The following DLEC1 variants were observed in gnomAD, a reference collection of about 807,000 sequenced individuals.
DLEC1 encodes deleted in lung and esophageal cancer protein 1.
In DLEC1, 146 loss-of-function variants were observed where a neutral mutation model predicts 198.1. The observed-to-expected ratio is 0.74, with a 90% confidence interval of 0.64 to 0.85. The LOEUF is 0.85. DLEC1 is among the 40% of genes least tolerant of loss of function. DLEC1 has a pLI of 0.00. For synonymous variants in DLEC1, 897 were observed against 866.8 expected, an observed-to-expected ratio of 1.03 and a Z score of -0.61; for missense variants, 2,233 against 2,220.0, an observed-to-expected ratio of 1.01 and a Z score of -0.12.
At chr3:38,081,296 T>C (rs1371287173) in intron 6 of DLEC1, among the ~76,000 whole-genome samples, 2 of 140,902 alleles carry the variant, frequency 1.4e-5, no homozygotes, top group Non-Finnish European at 3.1e-5. Flanking sequence ...AAAGCAGCCA[T>C]TGTCATCCTG....
intron 27 of DLEC1, among the ~76,000 whole-genome samples, chr3:38,116,020 G>T (rs1223176992): frequency 6.6e-6 from 1 of 152,156 alleles, no homozygotes; most frequent in African/African-American, 2.4e-5. Flanking sequence ...GCAAGACAGA[G>T]GTGGACATGG....
chr3:38,122,463 C>T lies in DLEC1; in HGVS notation c.*51C>T, dbSNP rs1559471944. The stretch of plus-strand genomic sequence containing the variant: ...GGCCCCAGCTGGAGAAAAAACATTG[C>T]CCAGGGATTAGGAGCAGCTCTTCAG... On this transcript the variant is annotated 3_prime_UTR_variant, in exon 37 of 37. Transcript: ENST00000308059. The T allele has an allele frequency of 6.2e-7, 1 of 1,613,896 alleles. No homozygotes were observed. The highest frequency in any genetic ancestry group is 1.1e-5 in the South Asian group (1 of 90,928).
In DLEC1 at chr3:38,112,197, G is replaced by C. The variant is rs373960006; in HGVS notation, c.3515-13G>C. 1 of 1,613,908 alleles carries C rather than the reference G, an allele frequency of 6.2e-7. No individual in the cohort carries two copies. The highest frequency in any genetic ancestry group is 8.5e-7 in the Non-Finnish European group (1 of 1,179,956). On this transcript the variant is annotated splice_polypyrimidine_tract_variant and intron_variant, in intron 24 of 36. Coordinates refer to ENST00000308059, the MANE Select transcript of DLEC1 (RefSeq NM_007335.4). The surrounding 1 kb of genome is among the most constrained non-coding windows in gnomAD (Gnocchi z 4.8). ...AGGCCCGTGAATCCCCCACAGTCGC[G>C]GTTCTTTCCCAGATTTTATGGAGAG...
At chr3:38,088,758 G>A (rs555187169) in intron 10 of DLEC1, among the ~76,000 whole-genome samples, 2 of 151,928 alleles carry the variant, frequency 1.3e-5, no homozygotes, top group Non-Finnish European at 2.9e-5. Flanking sequence ...TGATTATTGC[G>A]GTTATTGTGG....
chr3:38,122,379 T>G lies in DLEC1; in HGVS notation c.5235T>G (p.Tyr1745Ter). The stretch of plus-strand genomic sequence containing the variant: ...TGCGGCTCCGGGGCCAAGGCTCCTA[T>G]GATGAGAGATACATGTTGCCTCACC... ...CTLRLRGQGSYDERYMLPHQP is the reference protein window; with the variant it reads ...CTLRLRGQGS Residue 1745 changes from tyrosine (Y) to a stop codon, truncating the protein, a stop_gained, in exon 37 of 37, where the codon TAT becomes TAG. Transcript: ENST00000308059. LOFTEE classifies it high-confidence loss of function. 6.2e-7 allele frequency: 1 copy of G among 1,614,104 alleles called. No individual in the cohort carries two copies. Among genetic ancestry groups the G allele is most frequent in the Non-Finnish European group, 8.5e-7 (1 of 1,180,016 alleles).
chr3:38,089,186 T>C (rs1200759736), intron 10 of DLEC1, among the ~76,000 whole-genome samples: 2 of 152,184 alleles, frequency 1.3e-5, no homozygotes, highest in Admixed American at 6.5e-5. Context: ...GGTAGTGAGA[T>C]CCAGCAGCCC....
intron 6 of DLEC1, among the ~76,000 whole-genome samples, chr3:38,067,898 A>G (rs1697113674): frequency 6.6e-6 from 1 of 151,778 alleles, no homozygotes; most frequent in Admixed American, 6.6e-5. Flanking sequence ...GATTACAGGT[A>G]CGCACCACCA....
chr3:38,118,152 C>G lies in DLEC1; in HGVS notation c.4704+128C>G, dbSNP rs978253750. ...ACTGCATGCCTGACCCTGCCATACC[C>G]TGCATGAACACTCGGGGGTGCACTC... On this transcript the variant is annotated intron_variant, in intron 33 of 36. Coordinates refer to ENST00000308059, the MANE Select transcript of DLEC1 (RefSeq NM_007335.4). The G allele has an allele frequency of 3.9e-6, 4 of 1,032,948 alleles. No individual in the cohort carries two copies. In the African/African-American group the frequency reaches 6.4e-5, roughly 17 times the overall value. 64.0% of individuals were successfully genotyped at this position (1,032,948 alleles called of 1,614,324 possible).
Position 38,114,375 on chromosome 3 carries a change from C to T in DLEC1, c.3700C>T (p.His1234Tyr). 6.2e-7 allele frequency: 1 copy of T among 1,614,196 alleles called. No individual in the cohort carries two copies. Among genetic ancestry groups the T allele is most frequent in the South Asian group, 1.1e-5 (1 of 91,086 alleles). Reference protein sequence around the residue: ...GDLLPEVIPVHMAAVGCPISS... With the variant: ...GDLLPEVIPVYMAAVGCPISS... ...CCTGCTGCCGGAAGTCATCCCAGTG[C>T]ACATGGCAGCGGTGGGCTGCCCCAT... Residue 1234 changes from histidine to tyrosine, a missense_variant, in exon 26 of 37, where the codon CAC becomes TAC. By Grantham distance (83) the His-to-Tyr change is moderately conservative. Coordinates refer to ENST00000308059, the MANE Select transcript of DLEC1 (RefSeq NM_007335.4).
chr3:38,097,939 C>CG (rs1453793447), intron 18 of DLEC1, 37 bp downstream of exon 18: 1 of 1,612,766 alleles, frequency 6.2e-7, no homozygotes, highest in East Asian at 2.2e-5. Context: ...GGTGCCCCCA[C>CG]AATGAGCCCG....
chr3:38,090,587 T>C (rs1698692627), intron 10 of DLEC1, among the ~76,000 whole-genome samples: 2 of 152,232 alleles, frequency 1.3e-5, no homozygotes, highest in African/African-American at 4.8e-5. Flanking sequence ...AAATTATACA[T>C]ACATCACTCT....
intron 6 of DLEC1, among the ~76,000 whole-genome samples, chr3:38,083,924 C>G (rs1046995037): frequency 1.1e-4 from 16 of 152,102 alleles, no homozygotes; most frequent in African/African-American, 3.9e-4. Context: ...GCCACCACAC[C>G]TGGCCTGTAT....
intron 6 of DLEC1, among the ~76,000 whole-genome samples, chr3:38,081,476 G>A (rs1442909679): frequency 6.6e-5 from 6 of 91,534 alleles, no homozygotes; most frequent in South Asian, 3.3e-4. Flanking sequence ...CGGACGGGGC[G>A]GCTGGCCGGG....
chr3:38,110,338 G>C (rs1699800334), intron 23 of DLEC1, 57 bp downstream of exon 23: 18 of 1,596,586 alleles, frequency 1.1e-5, no homozygotes, highest in Non-Finnish European at 1.4e-5. Flanking sequence ...GGTGTACCCT[G>C]TTGAGCCTCT....
At chr3:38,075,717 G>A (rs913811786) in intron 6 of DLEC1, among the ~76,000 whole-genome samples, 1 of 152,178 alleles carries the variant, frequency 6.6e-6, no homozygotes, top group East Asian at 1.9e-4. Context: ...ATAAGGGATT[G>A]GGGCACAGGG....
At chr3:38,098,157 G>A (rs1004067388) in intron 18 of DLEC1, among the ~76,000 whole-genome samples, 7 of 152,124 alleles carry the variant, frequency 4.6e-5, no homozygotes, top group Admixed American at 2.0e-4. Context: ...GAAATAGGGC[G>A]TGGGTTTCTC....
intron 8 of DLEC1, among the ~76,000 whole-genome samples, chr3:38,085,816 C>G (rs1559432666): frequency 6.6e-6 from 1 of 152,110 alleles, no homozygotes; most frequent in Admixed American, 6.5e-5. Flanking sequence ...TCGTTGTCCT[C>G]GTGGCTGTGG....
chr3:38,082,059 G>A (rs1352995737), intron 6 of DLEC1, among the ~76,000 whole-genome samples: 1 of 136,580 alleles, frequency 7.3e-6, no homozygotes, highest in Admixed American at 7.1e-5. Context: ...GCCAGGCAGA[G>A]GGTCTCCTCA....
At chr3:38,069,366 A>T (rs1333162883) in intron 6 of DLEC1, among the ~76,000 whole-genome samples, 1 of 152,230 alleles carries the variant, frequency 6.6e-6, no homozygotes, top group Non-Finnish European at 1.5e-5. Context: ...GAGGGAATGT[A>T]CCATCATTAT....
Sources: gnomAD v4.1 joint callset for allele counts (sites outside exome capture counted in the v4.1 genomes callset) on GRCh38, gnomAD v4.1.1 for gene constraint, Gnocchi (gnomAD v3.1) non-coding constraint, MANE v1.5 for transcripts, NCBI Gene and HGNC (gene_info 2026-07-23, HGNC 2026-07-21) for gene names.